Variants in PFKFB3 observed in about 807,000 individuals in gnomAD.
PFKFB3 encodes the protein 6-phosphofructo-2-kinase/fructose-2,6-bisphosphatase 3.
PFKFB3 carries 33 observed loss-of-function variants against 68.0 expected under a neutral mutation model. The observed-to-expected ratio is 0.49, with a 90% CI of 0.37 to 0.65. The LOEUF is 0.65. PFKFB3 is among the 30% of genes least tolerant of loss of function. The pLI, the probability that PFKFB3 is intolerant of heterozygous loss-of-function variation, is 0.00. For synonymous variants in PFKFB3, 315 were observed against 288.2 expected, an observed-to-expected ratio of 1.09 and a Z score of -0.94; for missense variants, 586 against 712.2, an observed-to-expected ratio of 0.82 and a Z score of 2.02.
the PFKFB3 span, among the ~76,000 whole-genome samples, chr10:6,313,318 T>C: frequency 1.3e-5 from 2 of 152,264 alleles, no homozygotes; most frequent in Non-Finnish European, 2.9e-5. The surrounding 1 kb of genome is among the most constrained non-coding windows in gnomAD (Gnocchi z 4.2). Context: ...TCAGCAGTTT[T>C]ACTCTGGCTG....
rs374396696 is a variant in PFKFB3 at position 6,224,034 on chromosome 10, C to T, written c.1276+14C>T. ...CTGTCGCTTATGGTGAGTAGCAACC[C>T]CTGCCAAGCCCTGTCCCCCTGAAGG... On this transcript the variant is annotated intron_variant, in intron 12 of 14. Transcript: ENST00000379775. 6.2e-6 allele frequency: 10 copies of T among 1,613,910 alleles called. No individual in the cohort carries two copies. In the African/African-American group the frequency reaches 1.3e-4, roughly 22 times the overall value.
chr10:6,197,419 G>T (rs1843206476), intron 1 of PFKFB3, among the ~76,000 whole-genome samples: 1 of 152,164 alleles, frequency 6.6e-6, no homozygotes, highest in South Asian at 2.1e-4. Context: ...TGTGTAGTAG[G>T]CTCTGCCATC....
chr10:6,166,271 G>A (rs976592209), intron 1 of PFKFB3, among the ~76,000 whole-genome samples: 2 of 151,834 alleles, frequency 1.3e-5, no homozygotes, highest in East Asian at 1.9e-4. Flanking sequence ...GTGAGCTACC[G>A]TGGTAGAGAT....
At chr10:6,205,956 C>T (rs1397836349) in intron 1 of PFKFB3, among the ~76,000 whole-genome samples, 2 of 135,260 alleles carry the variant, frequency 1.5e-5, no homozygotes, top group Admixed American at 1.7e-4. Context: ...CACCACCACA[C>T]CCGGCTAATT....
chr10:6,301,144 TG>T, the PFKFB3 span, among the ~76,000 whole-genome samples: 1 of 152,088 alleles, frequency 6.6e-6, no homozygotes, highest in Non-Finnish European at 1.5e-5. Flanking sequence ...TCCTATAATT[TG>T]GGGGGAGATG....
At chr10:6,231,361 A>G in intron 14 of PFKFB3, 3 of 1,611,082 alleles carry the variant, frequency 1.9e-6, no homozygotes, top group Non-Finnish European at 2.5e-6. Context: ...GCGTCACGGC[A>G]TCTGGGTCTG....
chr10:6,219,600 A>G lies in PFKFB3; in HGVS notation c.530A>G (p.Asp177Gly), dbSNP rs1564632077. ...EVKISSPDYK[D>G]CNSAEAMDDF... ...AAAATCTCCAGCCCGGATTACAAAGACTGCAACTCGGCAGAAGCCATGGAC... is the reference window on the plus strand; with the variant it reads ...AAAATCTCCAGCCCGGATTACAAAGGCTGCAACTCGGCAGAAGCCATGGAC... Residue 177 changes from aspartate to glycine, a missense_variant, in exon 7 of 15, where the codon GAC (aspartate) becomes GGC (glycine). Asp to Gly is a moderately conservative substitution (Grantham distance 94, BLOSUM62 -1). Transcript: ENST00000379775. 1 of 1,613,982 alleles carries G rather than the reference A, an allele frequency of 6.2e-7. No individual in the cohort carries two copies. The highest frequency in any genetic ancestry group is 2.2e-5 in the East Asian group (1 of 44,880).
chr10:6,180,855 TGTTA>T (rs1383543392), intron 1 of PFKFB3, among the ~76,000 whole-genome samples: 1 of 152,170 alleles, frequency 6.6e-6, no homozygotes, highest in Non-Finnish European at 1.5e-5. Flanking sequence ...CTACTCTGTG[TGTTA>T]GTTCTCTGGC....
intron 1 of PFKFB3, among the ~76,000 whole-genome samples, chr10:6,211,811 T>C (rs1844248764): frequency 6.6e-6 from 1 of 152,228 alleles, no homozygotes; most frequent in South Asian, 2.1e-4. Context: ...TCTGTCTCCT[T>C]ACTCTGCCTG....
chr10:6,171,095 A>G (rs991274946), intron 1 of PFKFB3, among the ~76,000 whole-genome samples: 1 of 152,022 alleles, frequency 6.6e-6, no homozygotes, highest in Non-Finnish European at 1.5e-5. Context: ...GCAGTGGTGC[A>G]ATGGTGCAAT....
At chr10:6,317,828 TG>T in the PFKFB3 span, among the ~76,000 whole-genome samples, 4 of 152,228 alleles carry the variant, frequency 2.6e-5, no homozygotes, top group African/African-American at 9.6e-5. Flanking sequence ...AAATTGTGTC[TG>T]GGACCTGCGG....
At chr10:6,272,165 A>G in the PFKFB3 span, among the ~76,000 whole-genome samples, 2 of 152,246 alleles carry the variant, frequency 1.3e-5, no homozygotes, top group African/African-American at 4.8e-5. Context: ...CCGAGTTCAC[A>G]GACAGGGGCT....
intron 1 of PFKFB3, among the ~76,000 whole-genome samples, chr10:6,209,765 C>CT (rs56822740): frequency 0.21 from 25,351 of 121,032 alleles, 3,715 homozygotes; most frequent in Non-Finnish European, 0.25. Flanking sequence ...CTTACCTTTT[C>CT]TTTTTTTTTT....
intron 1 of PFKFB3, among the ~76,000 whole-genome samples, chr10:6,151,703 G>A (rs1288600948): frequency 6.6e-6 from 1 of 152,186 alleles, no homozygotes; most frequent in Non-Finnish European, 1.5e-5. Context: ...GGGGCAAACG[G>A]GAAGTCGGGA....
chr10:6,216,857 T>C, intron 5 of PFKFB3, 77 bp downstream of exon 5: 3 of 997,714 alleles, frequency 3.0e-6, no homozygotes, highest in Non-Finnish European at 4.6e-6. Context: ...TGAGTCCTGC[T>C]TGGTCCTTCC....
chr10:6,145,274 C>G (rs1169480428), intron 1 of PFKFB3, among the ~76,000 whole-genome samples: 2 of 151,674 alleles, frequency 1.3e-5, no homozygotes, highest in Non-Finnish European at 2.9e-5. Context: ...GCGTCCCCCT[C>G]CGGCCTCGCG....
At chr10:6,160,103 A>G (rs796707901) in intron 1 of PFKFB3, among the ~76,000 whole-genome samples, 7 of 152,214 alleles carry the variant, frequency 4.6e-5, no homozygotes, top group African/African-American at 1.7e-4. Flanking sequence ...AAACTAAACA[A>G]TGCTTTTTAG....
the PFKFB3 span, among the ~76,000 whole-genome samples, chr10:6,265,909 T>C: frequency 6.6e-6 from 1 of 151,998 alleles, no homozygotes. Context: ...TGTTTTTCTA[T>C]TTATTATTAT....
chr10:6,224,291 C>G, intron 13 of PFKFB3, 78 bp downstream of exon 13: 1 of 1,444,550 alleles, frequency 6.9e-7, no homozygotes. Context: ...CAGGAGGCCC[C>G]GGGGCCGCTT....
Sources: gnomAD v4.1 joint callset for allele counts (sites outside exome capture counted in the v4.1 genomes callset) on GRCh38, gnomAD v4.1.1 for gene constraint, Gnocchi (gnomAD v3.1) non-coding constraint, MANE v1.5 for transcripts, NCBI Gene and HGNC (gene_info 2026-07-23, HGNC 2026-07-21) for gene names.